The following KIF16B variants were observed in gnomAD, a reference collection of about 807,000 sequenced individuals.
KIF16B encodes the protein kinesin family member 16B.
Under a neutral mutation model 156.3 loss-of-function variants are expected in KIF16B, and 98 were observed. The ratio of observed to expected loss-of-function variants is 0.63; its 90% CI spans 0.53 to 0.74. The LOEUF (loss-of-function observed/expected upper bound fraction) is 0.74. KIF16B is among the 30% of genes least tolerant of loss of function. The pLI is 0.00. For synonymous variants in KIF16B, 564 were observed against 583.7 expected (o/e 0.97, Z 0.49); for missense variants, 1,421 against 1,606.5 (o/e 0.88, Z 1.97).
chr20:16,556,028 C>T (rs4572661), intron 1 of KIF16B, among the ~76,000 whole-genome samples: 1 of 152,170 alleles, frequency 6.6e-6, no homozygotes, highest in Non-Finnish European at 1.5e-5. Context: ...TGGAGTATTC[C>T]TAAATTCCCT....
chr20:16,305,740 G>A (rs2063531972), intron 25 of KIF16B, among the ~76,000 whole-genome samples: 1 of 152,032 alleles, frequency 6.6e-6, no homozygotes, highest in Admixed American at 6.6e-5. Flanking sequence ...TGAGATACAC[G>A]TTTTTTGCTC....
At position 16,573,277 on chromosome 20, in the gene KIF16B, G is replaced by A. The variant is rs1454684994; in HGVS notation, c.-2C>T. 1 of 1,609,788 alleles carries A rather than the reference G, an allele frequency of 6.2e-7. No homozygotes were observed. Among genetic ancestry groups the A allele is most frequent in the Non-Finnish European group, 8.5e-7 (1 of 1,178,954 alleles). On this transcript the variant is annotated 5_prime_UTR_variant, in exon 1 of 26. Transcript: ENST00000354981. ...CACGGCCACCTTGACCGATGCCATC[G>A]CTCATCCCGAACCAGCCCGCGCGGG...
rs1359938488 is a variant in KIF16B, at chr20:16,485,720, GAC to G, written c.1302+8569_1302+8570del. Among the ~76,000 whole-genome samples the G allele has an allele frequency of 3.3e-5, 5 of 152,262 alleles. No individual in the cohort carries two copies. The South Asian group carries it at 1.0e-3, about 32-fold the overall frequency. On this transcript the variant is annotated intron_variant, in intron 12 of 25. Coordinates refer to ENST00000354981, the MANE Select transcript of KIF16B (RefSeq NM_024704.5). ...GACCTACTGAGCAATAAACAAAAGA[GAC>G]AGAAACTGTGTCCTCATGGACTTTA...
chr20:16,505,130 C>T (rs1203420057), intron 9 of KIF16B, among the ~76,000 whole-genome samples: 4 of 151,832 alleles, frequency 2.6e-5, no homozygotes, highest in African/African-American at 9.7e-5. Context: ...ATGGGAAGGG[C>T]ATGAAGAGAG....
At chr20:16,366,760 T>C (rs1184397693) in intron 22 of KIF16B, 5 of 910,960 alleles carry the variant, frequency 5.5e-6, no homozygotes, top group Non-Finnish European at 5.3e-6. Context: ...GGGCACTTTT[T>C]CAGGCAGCAC....
chr20:16,358,723 GGAGT>G (rs987504880), intron 22 of KIF16B, among the ~76,000 whole-genome samples: 2 of 152,220 alleles, frequency 1.3e-5, no homozygotes, highest in African/African-American at 4.8e-5. Context: ...ATGGGGGAAT[GGAGT>G]GAGAACAACT....
intron 25 of KIF16B, among the ~76,000 whole-genome samples, chr20:16,286,451 C>T (rs1486569151): frequency 5.3e-5 from 8 of 152,126 alleles, no homozygotes; most frequent in Admixed American, 5.2e-4. Flanking sequence ...CTAGTCCTTT[C>T]TCTTATCCTC....
At position 16,380,085 on chromosome 20, in the gene KIF16B, G is replaced by A. The variant is rs182490491; in HGVS notation, c.1917C>T (p.Thr639=). The A allele has an allele frequency of 1.8e-5, 27 of 1,535,812 alleles. No individual in the cohort carries two copies. Among genetic ancestry groups the A allele is most frequent in the Non-Finnish European group, 2.2e-5 (25 of 1,146,860 alleles). The change falls in exon 19 of 26, where the codon ACC becomes ACT. Residue 639 remains threonine, a synonymous_variant. Transcript: ENST00000354981. ...ELERMQQEVE[T]QRKETEIVQL... ...GCACGATTTCTGTCTCCTTGCGCTG[G>A]GTCTCCACCTCCTGCTGCATCCGCT...
intron 1 of KIF16B, among the ~76,000 whole-genome samples, chr20:16,568,726 G>A (rs1351237716): frequency 3.4e-5 from 5 of 147,972 alleles, no homozygotes; most frequent in Non-Finnish European, 3.0e-5. Context: ...GAGGCAGGGA[G>A]ATCACCTGAG....
intron 20 of KIF16B, 117 bp from the exon 21 acceptor site, chr20:16,371,878 C>A: frequency 1.5e-6 from 1 of 648,492 alleles, no homozygotes; most frequent in East Asian, 2.6e-5. Flanking sequence ...AATACCAAAC[C>A]TAACAACAAC....
intron 15 of KIF16B, among the ~76,000 whole-genome samples, chr20:16,406,991 C>T (rs1209174311): frequency 2.0e-5 from 3 of 152,118 alleles, no homozygotes; most frequent in Non-Finnish European, 4.4e-5. Context: ...TGGTCTATTT[C>T]CAAATAAAAA....
intron 23 of KIF16B, among the ~76,000 whole-genome samples, chr20:16,350,083 C>A (rs13040489): frequency 0.036 from 5,530 of 152,334 alleles, 114 homozygotes; most frequent in African/African-American, 0.047. Flanking sequence ...GGAGTCAGAG[C>A]AGAATGAGAC....
chr20:16,400,542 A>G (rs1274166366), intron 17 of KIF16B, among the ~76,000 whole-genome samples: 6 of 152,262 alleles, frequency 3.9e-5, no homozygotes, highest in African/African-American at 1.4e-4. Context: ...CAAGGACTCA[A>G]ACAAACAAGT....
intron 23 of KIF16B, among the ~76,000 whole-genome samples, 187 bp downstream of exon 23, chr20:16,356,143 G>A (rs2123149089): frequency 6.6e-6 from 1 of 152,316 alleles, no homozygotes; most frequent in Middle Eastern, 3.4e-3. Flanking sequence ...CACCTTCTAT[G>A]AGGTACCTTC....
rs375206722 is a variant in KIF16B, at chr20:16,561,203, A to C, written c.47+12026T>G. ...CAGCTACTCAAGAGGCTGAGGCATA[A>C]GAATTGCTTGAACCCGGGAGGTGGA... On this transcript the variant is annotated intron_variant, in intron 1 of 25. Transcript: ENST00000354981. 3.3e-5 allele frequency among the ~76,000 whole-genome samples: 5 copies of C among 152,284 alleles called. No homozygotes were observed. In the South Asian group the frequency reaches 6.2e-4, roughly 19 times the overall value.
At chr20:16,369,157 T>C (rs564410430) in intron 22 of KIF16B, 12 of 985,806 alleles carry the variant, frequency 1.2e-5, no homozygotes, top group Middle Eastern at 5.2e-4. Context: ...ATGATCCCAG[T>C]GGTCGTTCTG....
At chr20:16,456,919 G>A (rs966017160) in intron 12 of KIF16B, among the ~76,000 whole-genome samples, 1 of 152,148 alleles carries the variant, frequency 6.6e-6, no homozygotes, top group Admixed American at 6.5e-5. Flanking sequence ...GCATAGAACT[G>A]ACTATTTCTA....
intron 1 of KIF16B, among the ~76,000 whole-genome samples, chr20:16,537,099 G>A (rs985552220): frequency 3.3e-5 from 5 of 149,434 alleles, no homozygotes; most frequent in African/African-American, 5.0e-5. Context: ...ACACTCCATC[G>A]TCTGCTGCCA....
At chr20:16,362,887 T>C (rs1204769974) in intron 22 of KIF16B, among the ~76,000 whole-genome samples, 1 of 152,190 alleles carries the variant, frequency 6.6e-6, no homozygotes, top group Non-Finnish European at 1.5e-5. Flanking sequence ...ACAAAAGATT[T>C]TAACCAGATA....
Sources: allele counts gnomAD v4.1 joint callset (sites outside exome capture counted in the v4.1 genomes callset), GRCh38; gene constraint gnomAD v4.1.1; transcripts MANE v1.5; gene names NCBI Gene and HGNC (gene_info 2026-07-23, HGNC 2026-07-21).